The following STX3 variants were observed in gnomAD, a reference collection of about 807,000 sequenced individuals.
STX3 encodes the protein syntaxin-3.
A neutral mutation model predicts 40.2 loss-of-function variants in STX3; 19 were observed. That is an observed-to-expected ratio of 0.47 (90% CI 0.33 to 0.69). STX3 has a LOEUF of 0.69. Ranked by LOEUF, STX3 falls within the 30% of genes least tolerant of loss-of-function variation. STX3 has a pLI of 0.02. For synonymous variants in STX3, 122 were observed against 132.2 expected (o/e 0.92, Z 0.53); for missense variants, 364 against 366.7 (o/e 0.99, Z 0.06).
intron 2 of STX3, among the ~76,000 whole-genome samples, chr11:59,784,234 C>T (rs1252235385): frequency 6.6e-6 from 1 of 152,184 alleles, no homozygotes; most frequent in Non-Finnish European, 1.5e-5. Flanking sequence ...CTGTGACAAC[C>T]AATCTGTTGA....
At chr11:59,780,612 C>T (rs1053823233) in intron 2 of STX3, among the ~76,000 whole-genome samples, 3 of 152,126 alleles carry the variant, frequency 2.0e-5, no homozygotes, top group African/African-American at 4.8e-5. Flanking sequence ...CAATAGACCC[C>T]GCCTCCATGG....
chr11:59,768,662 G>C (rs1182973551), intron 1 of STX3, among the ~76,000 whole-genome samples: 1 of 152,078 alleles, frequency 6.6e-6, no homozygotes, highest in African/African-American at 2.4e-5. Flanking sequence ...GCATAAATAC[G>C]GTCAGCTTCC....
chr11:59,781,689 C>T, intron 2 of STX3: 1 of 1,601,464 alleles, frequency 6.2e-7, no homozygotes, highest in Non-Finnish European at 8.5e-7. Context: ...CACCAGGCGC[C>T]ATCTTCCTTC....
chr11:59,768,051 T>C (rs1465424315), intron 1 of STX3, among the ~76,000 whole-genome samples: 1 of 152,224 alleles, frequency 6.6e-6, no homozygotes, highest in Non-Finnish European at 1.5e-5. Flanking sequence ...CTACATTGCA[T>C]AGGGAACTTT....
rs2135054794 is a variant in STX3 at position 59,802,178 on chromosome 11, C to T, written c.*1354C>T. The T allele has an allele frequency of 1.0e-6, 1 of 985,412 alleles. No homozygotes were observed. The highest frequency in any genetic ancestry group is 1.7e-5 in the African/African-American group (1 of 57,342). 61.0% of individuals were successfully genotyped at this position (985,412 alleles called of 1,614,324 possible). A position where few individuals can be genotyped will look rare whatever the true frequency, so the allele number is the denominator to read the frequency against. ...ACCAGAGGCTACACAGTAGCTCTTC[C>T]TGCTACTCGGTTAATGAGCTTGGCA... On this transcript the variant is annotated 3_prime_UTR_variant, in exon 11 of 11. Coordinates refer to ENST00000337979, the MANE Select transcript of STX3 (RefSeq NM_004177.5).
intron 3 of STX3, 45 bp downstream of exon 3, chr11:59,787,181 C>T: frequency 1.9e-6 from 3 of 1,567,074 alleles, no homozygotes; most frequent in South Asian, 2.2e-5. Flanking sequence ...TCACCCTTTC[C>T]TTGGAGCTGA....
At chr11:59,795,720 C>G in intron 9 of STX3, 1 of 1,535,166 alleles carries the variant, frequency 6.5e-7, no homozygotes, top group Non-Finnish European at 8.7e-7. Flanking sequence ...AGGGTGAGCA[C>G]CTTCATCTCA....
chr11:59,775,675 C>G (rs1413035955), intron 2 of STX3, among the ~76,000 whole-genome samples: 2 of 152,166 alleles, frequency 1.3e-5, no homozygotes, highest in African/African-American at 2.4e-5. Context: ...ACTTACCTTT[C>G]AAGGATGCCA....
intron 10 of STX3, chr11:59,800,654 C>A (rs1865836320): frequency 4.1e-6 from 4 of 985,244 alleles, no homozygotes; most frequent in Non-Finnish European, 4.8e-6. Flanking sequence ...AGAGGCTTTT[C>A]TATTTTTTTC....
In STX3 at chr11:59,801,128, G is replaced by T; in HGVS notation, c.*304G>T. On this transcript the variant is annotated 3_prime_UTR_variant, in exon 11 of 11. Coordinates refer to ENST00000337979, the MANE Select transcript of STX3 (RefSeq NM_004177.5). Reference sequence around the variant, plus strand: ...CCAGCTTTCTTCCTCCCTGTTGTGTGTCAGATTATGCCTTGCACTTGGGAA... The same window carrying T: ...CCAGCTTTCTTCCTCCCTGTTGTGTTTCAGATTATGCCTTGCACTTGGGAA... 3 of 1,353,488 alleles carry T rather than the reference G, an allele frequency of 2.2e-6. No homozygotes were observed. In the South Asian group the frequency reaches 5.7e-5, roughly 26 times the overall value. 83.8% of individuals were successfully genotyped at this position (1,353,488 alleles called of 1,614,324 possible).
intron 4 of STX3, 34 bp from the exon 5 acceptor site, chr11:59,790,485 T>G (rs1865063105): frequency 6.6e-7 from 1 of 1,519,592 alleles, no homozygotes; most frequent in East Asian, 2.3e-5. Flanking sequence ...GAGGCGGAGA[T>G]AGGTTGCAAG....
chr11:59,768,191 G>A (rs546022571), intron 1 of STX3, among the ~76,000 whole-genome samples: 3 of 152,324 alleles, frequency 2.0e-5, no homozygotes, highest in South Asian at 2.1e-4. Context: ...CAAAGAGTAC[G>A]TTTTGGCAGT....
intron 8 of STX3, among the ~76,000 whole-genome samples, chr11:59,794,701 T>C (rs1865415242): frequency 6.6e-6 from 1 of 152,166 alleles, no homozygotes; most frequent in South Asian, 2.1e-4. Flanking sequence ...CTAAGATTAA[T>C]TGGAATGATC....
At chr11:59,793,776 C>T (rs1480886937) in intron 8 of STX3, among the ~76,000 whole-genome samples, 2 of 151,210 alleles carry the variant, frequency 1.3e-5, no homozygotes, top group East Asian at 3.9e-4. Flanking sequence ...TTGATGTGTT[C>T]TGTCAAGTAC....
At chr11:59,775,620 A>G (rs79619389) in intron 2 of STX3, among the ~76,000 whole-genome samples, 1 of 151,980 alleles carries the variant, frequency 6.6e-6, no homozygotes. Flanking sequence ...GTTGCTTAAC[A>G]TCTCTTAGTT....
chr11:59,759,075 C>G lies in STX3; in HGVS notation c.30+3440C>G, dbSNP rs573962675. Among the ~76,000 whole-genome samples, 31 of 152,296 alleles carry G rather than the reference C, an allele frequency of 2.0e-4. No individual in the cohort carries two copies. In the South Asian group the frequency reaches 3.9e-3, roughly 19 times the overall value. On this transcript the variant is annotated intron_variant, in intron 1 of 10. Coordinates refer to ENST00000337979, the MANE Select transcript of STX3 (RefSeq NM_004177.5). ...TTCCCAAGAAGTAGTAATGCTTGAG[C>G]TCAGCTGATTCTTCCAGCCCAATCT...
chr11:59,773,945 G>C (rs1441119801), intron 2 of STX3, among the ~76,000 whole-genome samples: 1 of 145,146 alleles, frequency 6.9e-6, no homozygotes, highest in Non-Finnish European at 1.5e-5. Flanking sequence ...ACTCCAGCCT[G>C]GGTGACAGAG....
rs548570316 is a variant in STX3, at chr11:59,803,225, T to C, written c.*2401T>C. On this transcript the variant is annotated 3_prime_UTR_variant, in exon 11 of 11. Transcript: ENST00000337979. ...CCTTGTCTGGATGAGCAGAAGAAGA[T>C]CATGATCATGATCTGCTGTATTATC... 1 of 1,231,728 alleles carries C rather than the reference T, an allele frequency of 8.1e-7. No homozygotes were observed. The highest frequency in any genetic ancestry group is 4.1e-5 in the South Asian group (1 of 24,322). The allele number at this position is 1,231,728 out of a possible 1,614,324, so 76.3% of individuals were successfully genotyped here. A position where few individuals can be genotyped will look rare whatever the true frequency, so the allele number is the denominator to read the frequency against.
chr11:59,782,872 G>A (rs995540144), intron 2 of STX3, among the ~76,000 whole-genome samples: 1 of 151,712 alleles, frequency 6.6e-6, no homozygotes, highest in African/African-American at 2.4e-5. Context: ...GGTGGCGGGT[G>A]CCTGTAATCC....
Sources: gnomAD v4.1 joint callset for allele counts (sites outside exome capture counted in the v4.1 genomes callset) on GRCh38, gnomAD v4.1.1 for gene constraint, MANE v1.5 for transcripts, NCBI Gene and HGNC (gene_info 2026-07-23, HGNC 2026-07-21) for gene names.